RASAL2: variants seen among roughly 807,000 people sequenced by gnomAD.
The protein encoded by RASAL2 is RAS protein activator like 2.
Under a neutral mutation model 128.9 loss-of-function variants are expected in RASAL2, and 58 were observed. The observed-to-expected ratio is 0.45, with a 90% CI of 0.36 to 0.56. RASAL2 has a LOEUF of 0.56. Ranked by LOEUF, RASAL2 falls within the 20% of genes least tolerant of loss-of-function variation. The pLI, the probability that RASAL2 is intolerant of heterozygous loss-of-function variation, is 0.00. For synonymous variants in RASAL2, 561 were observed against 580.8 expected, an observed-to-expected ratio of 0.97 and a Z score of 0.49; for missense variants, 1,360 against 1,601.6, an observed-to-expected ratio of 0.85 and a Z score of 2.57.
At chr1:178,384,086 A>G (rs924040893) in intron 3 of RASAL2, among the ~76,000 whole-genome samples, 3 of 152,198 alleles carry the variant, frequency 2.0e-5, no homozygotes, top group Non-Finnish European at 1.5e-5. Flanking sequence ...CAAAATTATT[A>G]AAGAGGCATG....
intron 3 of RASAL2, among the ~76,000 whole-genome samples, chr1:178,304,391 C>T (rs1667898102): frequency 1.3e-5 from 2 of 152,078 alleles, no homozygotes; most frequent in Admixed American, 1.3e-4. Context: ...GGCATGGTGG[C>T]ACACATCTGT....
intron 1 of RASAL2, among the ~76,000 whole-genome samples, chr1:178,183,569 T>C (rs1394617713): frequency 6.6e-6 from 1 of 152,232 alleles, no homozygotes; most frequent in Non-Finnish European, 1.5e-5. Context: ...TGGAATATCA[T>C]ATTGTTAAAA....
In RASAL2 at chr1:178,208,418, A is replaced by G. The variant is rs557097965; in HGVS notation, c.203-75146A>G. On this transcript the variant is annotated intron_variant, in intron 1 of 17. Transcript: ENST00000367649. ...GGAGTGTCTGTCTTATGCAGTTGAGATAAGGACTGAGATACGCCCTGGTCT... is the reference window on the plus strand; with the variant it reads ...GGAGTGTCTGTCTTATGCAGTTGAGGTAAGGACTGAGATACGCCCTGGTCT... Among the ~76,000 whole-genome samples the G allele has an allele frequency of 1.2e-4, 19 of 152,186 alleles. No individual in the cohort carries two copies. In the South Asian group the frequency reaches 3.1e-3, roughly 25 times the overall value.
chr1:178,141,867 G>T (rs938298663), intron 1 of RASAL2, among the ~76,000 whole-genome samples: 10 of 152,050 alleles, frequency 6.6e-5, no homozygotes, highest in African/African-American at 2.2e-4. Context: ...AAGTGCAGGG[G>T]CATATGGGTG....
In RASAL2 at chr1:178,228,685, A is replaced by C. The variant is rs183202638; in HGVS notation, c.203-54879A>C. Among the ~76,000 whole-genome samples, 290 of 152,354 alleles carry C rather than the reference A, an allele frequency of 1.9e-3. 1 individual carries two copies. The highest frequency in any genetic ancestry group is 5.2e-3 in the Admixed American group (80 of 15,308). On this transcript the variant is annotated intron_variant, in intron 1 of 17. Coordinates refer to ENST00000367649, the MANE Select transcript of RASAL2 (RefSeq NM_170692.4). ...AACCTTACCTCTTGGTATAAGACTCATTTAACAAGGAGTCTCTGAATTTTA... is the reference window on the plus strand; with the variant it reads ...AACCTTACCTCTTGGTATAAGACTCCTTTAACAAGGAGTCTCTGAATTTTA...
At chr1:178,358,666 G>A (rs1320189603) in intron 3 of RASAL2, among the ~76,000 whole-genome samples, 1 of 152,050 alleles carries the variant, frequency 6.6e-6, no homozygotes, top group African/African-American at 2.4e-5. Context: ...TATTAATATT[G>A]AGCAGAATGT....
At chr1:178,458,952 C>T (rs779706510) in intron 14 of RASAL2, among the ~76,000 whole-genome samples, 4 of 151,994 alleles carry the variant, frequency 2.6e-5, no homozygotes, top group East Asian at 1.9e-4. Flanking sequence ...GTTTGCATTC[C>T]GAGCCAAGAG....
intron 5 of RASAL2, among the ~76,000 whole-genome samples, chr1:178,425,729 C>T (rs113154966): frequency 9.2e-5 from 14 of 152,108 alleles, no homozygotes; most frequent in Non-Finnish European, 1.9e-4. Context: ...AAGATGGGCC[C>T]ATAAAAAGAC....
intron 1 of RASAL2, among the ~76,000 whole-genome samples, chr1:178,255,255 G>GA (rs200465422): frequency 1.7e-4 from 26 of 150,712 alleles, no homozygotes; most frequent in East Asian, 5.8e-4. Context: ...AAATCCAAAT[G>GA]AAAAAAAACA....
chr1:178,416,278 A>C (rs1327551252), intron 4 of RASAL2, among the ~76,000 whole-genome samples: 1 of 152,080 alleles, frequency 6.6e-6, no homozygotes, highest in Non-Finnish European at 1.5e-5. Flanking sequence ...TTTTAAATGT[A>C]TAACTAATGT....
intron 4 of RASAL2, among the ~76,000 whole-genome samples, chr1:178,407,515 C>CTT (rs1381544763): frequency 1.3e-5 from 2 of 152,070 alleles, no homozygotes; most frequent in African/African-American, 4.8e-5. Context: ...TAAACTAAAA[C>CTT]TTGAAAAGCA....
intron 1 of RASAL2, among the ~76,000 whole-genome samples, chr1:178,169,391 T>C (rs953760048): frequency 2.0e-5 from 3 of 152,206 alleles, no homozygotes; most frequent in African/African-American, 7.2e-5. Flanking sequence ...AGATAAGATA[T>C]ATAAAATACA....
chr1:178,322,568 G>A (rs1668844531), intron 3 of RASAL2, among the ~76,000 whole-genome samples: 1 of 152,028 alleles, frequency 6.6e-6, no homozygotes, highest in Admixed American at 6.6e-5. Context: ...GTGGTGGTTG[G>A]TTCTGTTAAT....
intron 1 of RASAL2, among the ~76,000 whole-genome samples, chr1:178,266,819 A>G (rs1055030521): frequency 6.6e-6 from 1 of 152,206 alleles, no homozygotes; most frequent in African/African-American, 2.4e-5. Context: ...CTCCCACCCT[A>G]GCCTTTTAAT....
intron 3 of RASAL2, chr1:178,341,461 G>A: frequency 6.8e-7 from 1 of 1,476,602 alleles, no homozygotes; most frequent in Non-Finnish European, 8.9e-7. Context: ...ATTCCAAACT[G>A]TCTGAGGCAC....
At chr1:178,108,579 A>G (rs1659184328) in intron 1 of RASAL2, among the ~76,000 whole-genome samples, 1 of 152,252 alleles carries the variant, frequency 6.6e-6, no homozygotes, top group African/African-American at 2.4e-5. Flanking sequence ...AACATTATAC[A>G]GAAAGCAAGT....
intron 1 of RASAL2, chr1:178,125,599 A>T (rs1221668067): frequency 6.6e-6 from 1 of 152,204 alleles, no homozygotes; most frequent in Non-Finnish European, 1.5e-5. Context: ...ACTTTCCTGT[A>T]TTCTGATAAT....
At chr1:178,280,499 A>AATAT (rs1490396415) in intron 1 of RASAL2, among the ~76,000 whole-genome samples, 1 of 152,074 alleles carries the variant, frequency 6.6e-6, no homozygotes, top group East Asian at 1.9e-4. Flanking sequence ...TAACCCATAT[A>AATAT]AACCCATATT....
chr1:178,104,211 C>T lies in RASAL2; in HGVS notation c.202+9517C>T, dbSNP rs577873541. Among the ~76,000 whole-genome samples, 44 of 152,160 alleles carry T rather than the reference C, an allele frequency of 2.9e-4. No individual in the cohort carries two copies. The South Asian group carries it at 6.2e-3, about 22-fold the overall frequency. On this transcript the variant is annotated intron_variant, in intron 1 of 17. Coordinates refer to ENST00000367649, the MANE Select transcript of RASAL2 (RefSeq NM_170692.4). ...GAAAGATGGCTTTCCAGTTGTCCTACCATCATTTGTTGAAGAAACCAGCTT... is the reference window on the plus strand; with the variant it reads ...GAAAGATGGCTTTCCAGTTGTCCTATCATCATTTGTTGAAGAAACCAGCTT...
Sources: gnomAD v4.1 joint callset for allele counts (sites outside exome capture counted in the v4.1 genomes callset) on GRCh38, gnomAD v4.1.1 for gene constraint, MANE v1.5 for transcripts, NCBI Gene and HGNC (gene_info 2026-07-23, HGNC 2026-07-21) for gene names.